DERA: variants seen among roughly 807,000 people sequenced by gnomAD.
The protein encoded by DERA is 2-deoxy-D-ribose 5-phosphate aldolase.
DERA carries 15 observed loss-of-function variants against 41.1 expected under a neutral mutation model. The ratio of observed to expected loss-of-function variants is 0.37; its 90% CI spans 0.24 to 0.56. DERA has a LOEUF of 0.56. Ranked by LOEUF, DERA falls within the 20% of genes least tolerant of loss-of-function variation. DERA has a pLI of 0.81. For synonymous variants in DERA, 139 were observed against 137.4 expected (o/e 1.01, Z -0.08); for missense variants, 396 against 403.4 (o/e 0.98, Z 0.16).
rs758328410 is a variant in DERA, at chr12:16,021,754, T to C, written c.638-10788T>C. ...AGACTTAATGACTGCCCTGCTGAGT[T>C]TGGGGCTTGTATGAGGCCTATAGCG... On this transcript the variant is annotated intron_variant, in intron 6 of 8. Transcript: ENST00000428559. This position sits in a 1 kb window ranked among gnomAD's most constrained non-coding sequence, Gnocchi z 5.3. Among the ~76,000 whole-genome samples the C allele has an allele frequency of 4.6e-5, 7 of 152,214 alleles. No individual in the cohort carries two copies. The highest frequency in any genetic ancestry group is 1.0e-4 in the Non-Finnish European group (7 of 68,028).
At chr12:15,925,486 G>GA (rs900800374) in intron 1 of DERA, among the ~76,000 whole-genome samples, 119 of 150,292 alleles carry the variant, frequency 7.9e-4, no homozygotes, top group African/African-American at 2.5e-3. Context: ...TTTTAAGTGT[G>GA]AAAAAAAAAG....
At chr12:16,006,105 C>G (rs1948908868) in intron 6 of DERA, among the ~76,000 whole-genome samples, 1 of 152,168 alleles carries the variant, frequency 6.6e-6, no homozygotes, top group Admixed American at 6.5e-5. Context: ...TTGTGGAAAA[C>G]CAGCTAATAG....
intron 1 of DERA, among the ~76,000 whole-genome samples, chr12:15,914,675 A>C (rs1565581640): frequency 6.6e-6 from 1 of 152,214 alleles, no homozygotes; most frequent in African/African-American, 2.4e-5. Flanking sequence ...GGGTGTTATT[A>C]GATGACTTCT....
At position 16,011,603 on chromosome 12, in the gene DERA, C is replaced by T. The variant is rs1322492505; in HGVS notation, c.638-20939C>T. On this transcript the variant is annotated intron_variant, in intron 6 of 8. Transcript: ENST00000428559. This position sits in a 1 kb window ranked among gnomAD's most constrained non-coding sequence, Gnocchi z 4.7. ...AAAAGAAAAGAGAATGTGTTAGATA[C>T]GATTTTGTCATTTTAACATGAGATG... Among the ~76,000 whole-genome samples, 10 of 152,108 alleles carry T rather than the reference C, an allele frequency of 6.6e-5. No homozygotes were observed. The highest frequency in any genetic ancestry group is 2.2e-4 in the African/African-American group (9 of 41,420).
rs1039071356 is a variant in DERA, at chr12:15,941,375, A to G, written c.32-15561A>G. Among the ~76,000 whole-genome samples the G allele has an allele frequency of 2.7e-5, 4 of 150,162 alleles. No individual in the cohort carries two copies. The highest frequency in any genetic ancestry group is 9.8e-5 in the African/African-American group (4 of 40,904). On this transcript the variant is annotated intron_variant, in intron 1 of 8. Transcript: ENST00000428559. The surrounding 1 kb of genome is among the most constrained non-coding windows in gnomAD (Gnocchi z 4.5). ...AAGGACTTAGCCGTCTGTAGCCACA[A>G]TTTTTTTTTTAATTTCAATAGTTTT... is the stretch of plus-strand genomic sequence containing the variant.
rs1948757730 is a variant in DERA at position 15,985,411 on chromosome 12, G to C, written c.637+2975G>C. ...TGTTCTTCCATTCTGATATCTGTGG[G>C]ATCTGTAGTTATATCTCTTTCTTTA... is the stretch of plus-strand genomic sequence containing the variant. On this transcript the variant is annotated intron_variant, in intron 6 of 8. Coordinates refer to ENST00000428559, the MANE Select transcript of DERA (RefSeq NM_015954.4). This position sits in a 1 kb window ranked among gnomAD's most constrained non-coding sequence, Gnocchi z 4.2. The C allele has an allele frequency of 2.0e-5, 3 of 152,100 alleles. No homozygotes were observed. Among genetic ancestry groups the C allele is most frequent in the South Asian group, 2.1e-4 (1 of 4,834 alleles). The allele number at this position is 152,100 out of a possible 1,614,324, so 9.4% of individuals were successfully genotyped here.
intron 6 of DERA, among the ~76,000 whole-genome samples, chr12:16,031,703 C>G (rs11056759): frequency 0.056 from 8,477 of 152,218 alleles, 648 homozygotes; most frequent in East Asian, 0.4. Flanking sequence ...GGCTAGATTA[C>G]TTTGGTTAAA....
chr12:15,964,677 GT>G (rs1948611103), intron 5 of DERA, among the ~76,000 whole-genome samples: 1 of 152,224 alleles, frequency 6.6e-6, no homozygotes, highest in African/African-American at 2.4e-5. Context: ...TGATTTAGTT[GT>G]ATACAAACCT....
intron 1 of DERA, among the ~76,000 whole-genome samples, chr12:15,937,645 A>G (rs1455641467): frequency 1.3e-5 from 2 of 152,198 alleles, no homozygotes; most frequent in African/African-American, 2.4e-5. Context: ...TTATGTTGTT[A>G]AATTACATGT....
intron 3 of DERA, among the ~76,000 whole-genome samples, chr12:15,958,839 G>C (rs915357486): frequency 6.6e-6 from 1 of 152,168 alleles, no homozygotes; most frequent in African/African-American, 2.4e-5. Context: ...TGAAAAGAAG[G>C]ACTTTTCTAG....
rs182353872 is a variant in DERA at position 15,969,230 on chromosome 12, T to C, written c.508+6283T>C. Reference sequence around the variant, plus strand: ...TATTGAGCAGGTTTTAAAAATTGAATAGTTTCCATGCTCTGTAAATATACA... The same window carrying C: ...TATTGAGCAGGTTTTAAAAATTGAACAGTTTCCATGCTCTGTAAATATACA... On this transcript the variant is annotated intron_variant, in intron 5 of 8. Transcript: ENST00000428559. 5.9e-5 allele frequency among the ~76,000 whole-genome samples: 9 copies of C among 152,370 alleles called. No homozygotes were observed. The East Asian group carries it at 1.3e-3, about 23-fold the overall frequency.
chr12:16,030,075 A>G (rs1046985453), intron 6 of DERA, among the ~76,000 whole-genome samples: 2 of 142,698 alleles, frequency 1.4e-5, no homozygotes, highest in African/African-American at 5.1e-5. Flanking sequence ...GGCACCCACC[A>G]CCATGCCCGG....
chr12:15,956,604 G>A, intron 1 of DERA: 1 of 386,512 alleles, frequency 2.6e-6, no homozygotes, highest in Non-Finnish European at 5.0e-6. Flanking sequence ...GAGGTACGTG[G>A]CATGGGTAAC....
intron 1 of DERA, among the ~76,000 whole-genome samples, chr12:15,955,811 G>GT: frequency 6.6e-6 from 1 of 152,312 alleles, no homozygotes; most frequent in South Asian, 2.1e-4. Context: ...ACATGATACA[G>GT]TATGTGATTA....
chr12:15,911,669 C>A lies in DERA; in HGVS notation c.31+255C>A. ...TAGGAAAGGGTTAGATTATTATCTT[C>A]CTGCCTTTTCGTTCACTCTAGCTCG... On this transcript the variant is annotated intron_variant, in intron 1 of 8. Coordinates refer to ENST00000428559, the MANE Select transcript of DERA (RefSeq NM_015954.4). The surrounding 1 kb of genome is among the most constrained non-coding windows in gnomAD (Gnocchi z 4.5). 12 of 685,942 alleles carry A rather than the reference C, an allele frequency of 1.7e-5. No individual in the cohort carries two copies. In the Admixed American group the frequency reaches 2.0e-4, roughly 12 times the overall value. 42.5% of individuals were successfully genotyped at this position (685,942 alleles called of 1,614,324 possible). A position where few individuals can be genotyped will look rare whatever the true frequency, so the allele number is the denominator to read the frequency against.
In DERA at chr12:16,017,558, C is replaced by A. The variant is rs1948990795; in HGVS notation, c.638-14984C>A. ...TTGATACCTCCAGAGGGGCTTTCTG[C>A]TTCCATATGTACTCTGGCCAGTGCT... On this transcript the variant is annotated intron_variant, in intron 6 of 8. Coordinates refer to ENST00000428559, the MANE Select transcript of DERA (RefSeq NM_015954.4). This position sits in a 1 kb window ranked among gnomAD's most constrained non-coding sequence, Gnocchi z 5.5. Among the ~76,000 whole-genome samples the A allele has an allele frequency of 6.6e-6, 1 of 152,190 alleles. No homozygotes were observed.
At chr12:16,028,467 A>G (rs566918566) in intron 6 of DERA, among the ~76,000 whole-genome samples, 2 of 152,372 alleles carry the variant, frequency 1.3e-5, no homozygotes, top group South Asian at 2.1e-4. Context: ...TAAAATTCCA[A>G]GTAATTATGT....
At chr12:15,950,875 G>C (rs1395250099) in intron 1 of DERA, among the ~76,000 whole-genome samples, 2 of 152,212 alleles carry the variant, frequency 1.3e-5, no homozygotes, top group Non-Finnish European at 2.9e-5. Flanking sequence ...TCACTCTCTA[G>C]AGCCTCCAGT....
intron 5 of DERA, among the ~76,000 whole-genome samples, chr12:15,964,521 C>T (rs1437367797): frequency 1.3e-5 from 2 of 152,112 alleles, no homozygotes; most frequent in African/African-American, 2.4e-5. Flanking sequence ...TCTGAAAAGG[C>T]GTATTTTAAA....
Sources: gnomAD v4.1 joint callset for allele counts (sites outside exome capture counted in the v4.1 genomes callset) on GRCh38, gnomAD v4.1.1 for gene constraint, Gnocchi (gnomAD v3.1) non-coding constraint, MANE v1.5 for transcripts, NCBI Gene and HGNC (gene_info 2026-07-23, HGNC 2026-07-21) for gene names.